The following DCC variants were observed in gnomAD, a reference collection of about 807,000 sequenced individuals.
DCC encodes the protein DCC netrin 1 receptor, also known as netrin receptor DCC.
In DCC, 58 loss-of-function variants were observed where a neutral mutation model predicts 172.5. The ratio of observed to expected loss-of-function variants is 0.34; its 90% CI spans 0.27 to 0.42. The LOEUF (loss-of-function observed/expected upper bound fraction) is 0.42. DCC is among the 10% of genes least tolerant of loss of function. DCC has a pLI of 1.00. For synonymous variants in DCC, 709 were observed against 644.5 expected (o/e 1.10, Z -1.52); for missense variants, 1,740 against 1,791.0 (o/e 0.97, Z 0.51).
chr18:52,463,348 G>A (rs1408913788), intron 1 of DCC, among the ~76,000 whole-genome samples: 9 of 152,090 alleles, frequency 5.9e-5, no homozygotes, highest in African/African-American at 1.7e-4. Context: ...TGGAGTGGGC[G>A]ATTGGAAACA....
At chr18:52,465,601 G>A (rs1222355764) in intron 1 of DCC, among the ~76,000 whole-genome samples, 2 of 152,106 alleles carry the variant, frequency 1.3e-5, no homozygotes, top group East Asian at 1.9e-4. Flanking sequence ...CCTTTGTCCC[G>A]ACAAAGGAGC....
At position 52,492,494 on chromosome 18, in the gene DCC, G is replaced by A. The variant is rs1305040737; in HGVS notation, c.91+151616G>A. Among the ~76,000 whole-genome samples the A allele has an allele frequency of 2.6e-5, 4 of 152,014 alleles. No individual in the cohort carries two copies. The East Asian group carries it at 7.8e-4, about 30-fold the overall frequency. ...AGGGGTGGTTTCTTCATTGAGACAG[G>A]AGAAAGAAGAAGGATGTTTTTGCAG... On this transcript the variant is annotated intron_variant, in intron 1 of 28. Coordinates refer to ENST00000442544, the MANE Select transcript of DCC (RefSeq NM_005215.4).
At chr18:52,460,172 A>C (rs1027352652) in intron 1 of DCC, among the ~76,000 whole-genome samples, 1 of 152,162 alleles carries the variant, frequency 6.6e-6, no homozygotes, top group Admixed American at 6.5e-5. Context: ...CTGTATATCA[A>C]AACTTACTTT....
At chr18:53,318,719 A>ACTTTACCATTATATAATGCC (rs1435089558) in intron 13 of DCC, among the ~76,000 whole-genome samples, 2 of 146,130 alleles carry the variant, frequency 1.4e-5, no homozygotes, top group Admixed American at 1.4e-4. Context: ...TTCATTGATC[A>ACTTTACCATTATATAATGCC]CTTTACCATT....
At chr18:53,254,198 T>G (rs568909797) in intron 12 of DCC, among the ~76,000 whole-genome samples, 1 of 152,200 alleles carries the variant, frequency 6.6e-6, no homozygotes, top group East Asian at 1.9e-4. Context: ...AAAAGTCATC[T>G]GAGCAACAGG....
At chr18:53,235,119 G>T (rs2056182394) in intron 12 of DCC, among the ~76,000 whole-genome samples, 1 of 152,090 alleles carries the variant, frequency 6.6e-6, no homozygotes, top group Admixed American at 6.6e-5. Flanking sequence ...CATGACACAG[G>T]GTTCATTGTG....
intron 12 of DCC, among the ~76,000 whole-genome samples, chr18:53,223,819 C>T (rs527998969): frequency 2.6e-5 from 4 of 152,192 alleles, no homozygotes; most frequent in African/African-American, 4.8e-5. Flanking sequence ...CACATTAACA[C>T]GAGCTATTTT....
At chr18:52,649,217 C>T (rs141153474) in intron 1 of DCC, among the ~76,000 whole-genome samples, 2 of 151,734 alleles carry the variant, frequency 1.3e-5, no homozygotes, top group African/African-American at 4.8e-5. Context: ...ACTAAAAATA[C>T]AAAAAATTAG....
intron 24 of DCC, among the ~76,000 whole-genome samples, chr18:53,466,299 A>C (rs2045620343): frequency 6.6e-6 from 1 of 152,114 alleles, no homozygotes; most frequent in Non-Finnish European, 1.5e-5. Flanking sequence ...ATTAGGGTGC[A>C]CTTCTTTGGT....
intron 1 of DCC, among the ~76,000 whole-genome samples, chr18:52,612,995 T>C (rs1230384020): frequency 6.6e-6 from 1 of 152,208 alleles, no homozygotes; most frequent in Non-Finnish European, 1.5e-5. Context: ...AGTCTATATC[T>C]GTCAGGCATT....
At chr18:52,412,828 CTT>C (rs981488003) in intron 1 of DCC, among the ~76,000 whole-genome samples, 3 of 152,078 alleles carry the variant, frequency 2.0e-5, no homozygotes, top group African/African-American at 7.2e-5. Flanking sequence ...GCAGCAGAAT[CTT>C]TTTTATTCTT....
intron 12 of DCC, among the ~76,000 whole-genome samples, chr18:53,221,728 A>G (rs1239042206): frequency 6.6e-6 from 1 of 152,210 alleles, no homozygotes; most frequent in Non-Finnish European, 1.5e-5. Context: ...TAATTGAGAA[A>G]TAAAACAGTT....
At chr18:52,964,595 C>G (rs137984598) in intron 5 of DCC, among the ~76,000 whole-genome samples, 4 of 152,146 alleles carry the variant, frequency 2.6e-5, no homozygotes, top group Non-Finnish European at 4.4e-5. Flanking sequence ...TAAAAAGTCT[C>G]TATAACTTTC....
At chr18:52,499,230 C>T (rs16955084) in intron 1 of DCC, among the ~76,000 whole-genome samples, 4,824 of 152,250 alleles carry the variant, frequency 0.032, 270 homozygotes, top group African/African-American at 0.11. Flanking sequence ...TAATGATTGA[C>T]TGATAGCAAT....
At chr18:52,913,067 G>A (rs116342615) in intron 3 of DCC, among the ~76,000 whole-genome samples, 1,547 of 152,094 alleles carry the variant, frequency 0.01, 29 homozygotes, top group African/African-American at 0.036. Flanking sequence ...TAAGTTCCAC[G>A]TCATTCTGTG....
At chr18:53,405,801 C>G (rs1909619624) in intron 19 of DCC, among the ~76,000 whole-genome samples, 1 of 152,088 alleles carries the variant, frequency 6.6e-6, no homozygotes, top group Non-Finnish European at 1.5e-5. Context: ...TCCTATTATT[C>G]CATTTTAAAA....
chr18:52,817,315 G>C (rs1253943267), intron 2 of DCC, among the ~76,000 whole-genome samples: 1 of 151,388 alleles, frequency 6.6e-6, no homozygotes, highest in African/African-American at 2.4e-5. Flanking sequence ...TGATTATTTT[G>C]AGTTCTGCTT....
At chr18:52,646,668 T>C (rs980047174) in intron 1 of DCC, among the ~76,000 whole-genome samples, 4 of 152,152 alleles carry the variant, frequency 2.6e-5, no homozygotes, top group Admixed American at 6.5e-5. Flanking sequence ...AAGATAAAGA[T>C]GAATATTCAG....
At chr18:53,108,751 A>G (rs2043286739) in intron 7 of DCC, among the ~76,000 whole-genome samples, 1 of 151,576 alleles carries the variant, frequency 6.6e-6, no homozygotes, top group African/African-American at 2.4e-5. Context: ...TCCATGTTGC[A>G]TAGCTATAGT....
Sources: gnomAD v4.1 joint callset for allele counts (sites outside exome capture counted in the v4.1 genomes callset) on GRCh38, gnomAD v4.1.1 for gene constraint, MANE v1.5 for transcripts, NCBI Gene and HGNC (gene_info 2026-07-23, HGNC 2026-07-21) for gene names.